The following ATXN7 variants were observed in gnomAD, a reference collection of about 807,000 sequenced individuals.
The protein encoded by ATXN7 is ataxin-7.
A neutral mutation model predicts 70.5 loss-of-function variants in ATXN7; 12 were observed. The observed-to-expected ratio is 0.17, with a 90% CI of 0.11 to 0.28. ATXN7 has a LOEUF of 0.28. Among genes scored for constraint, ATXN7 ranks in the 10% least tolerant of loss-of-function variants. The pLI, the probability that ATXN7 is intolerant of heterozygous loss-of-function variation, is 1.00. For synonymous variants in ATXN7, 498 were observed against 448.7 expected (o/e 1.11, Z -1.39); for missense variants, 1,256 against 1,131.7 (o/e 1.11, Z -1.58).
At chr3:63,897,339 T>C (rs1703477530) in intron 1 of ATXN7, among the ~76,000 whole-genome samples, 1 of 152,156 alleles carries the variant, frequency 6.6e-6, no homozygotes, top group Non-Finnish European at 1.5e-5. Flanking sequence ...TGAATAGCAT[T>C]TTGAGTGAAT....
chr3:63,990,970 C>T (rs2075662451), intron 11 of ATXN7, 111 bp downstream of exon 11: 2 of 1,523,730 alleles, frequency 1.3e-6, no homozygotes, highest in Non-Finnish European at 1.8e-6. Flanking sequence ...ACAAAACTGG[C>T]CTTTGGCCCT....
At position 64,002,391 on chromosome 3, in the gene ATXN7, TG is replaced by T. The variant is rs1446017712; in HGVS notation, c.*2927del. 4 of 152,600 alleles carry T rather than the reference TG, an allele frequency of 2.6e-5. No individual in the cohort carries two copies. Among genetic ancestry groups the T allele is most frequent in the Non-Finnish European group, 5.9e-5 (4 of 68,040 alleles). 9.5% of individuals were successfully genotyped at this position (152,600 alleles called of 1,614,324 possible). ...CGGGAGTGGATTCATACAGATGAAG[TG>T]GGCATTGCTTCTTCCTGGTTGCCTG... is the stretch of plus-strand genomic sequence containing the variant. On this transcript the variant is annotated 3_prime_UTR_variant, in exon 13 of 13. Coordinates refer to ENST00000674280, the MANE Select transcript of ATXN7 (RefSeq NM_001377405.1).
chr3:63,914,444 A>G (rs946796674), intron 4 of ATXN7, among the ~76,000 whole-genome samples: 15 of 152,214 alleles, frequency 9.9e-5, no homozygotes, highest in African/African-American at 3.6e-4. Flanking sequence ...TTGAGGGTAA[A>G]GGAAAGCAAG....
intron 11 of ATXN7, among the ~76,000 whole-genome samples, chr3:63,991,667 G>T (rs543915381): frequency 1.3e-5 from 2 of 152,218 alleles, no homozygotes; most frequent in African/African-American, 4.8e-5. Flanking sequence ...CACTGAAATT[G>T]TTTCAGTGTT....
intron 5 of ATXN7, among the ~76,000 whole-genome samples, chr3:63,964,070 A>G (rs868815992): frequency 9.2e-6 from 1 of 109,084 alleles, no homozygotes; most frequent in African/African-American, 4.6e-5. Flanking sequence ...CCTTAGACAC[A>G]TAAACACACA....
chr3:63,884,995 A>T (rs1361390459), intron 1 of ATXN7, among the ~76,000 whole-genome samples: 1 of 151,988 alleles, frequency 6.6e-6, no homozygotes, highest in Admixed American at 6.6e-5. Context: ...GTGCCTAGTG[A>T]CTTCCTTCCA....
chr3:63,978,107 C>G (rs1314659392), intron 5 of ATXN7, among the ~76,000 whole-genome samples: 1 of 152,148 alleles, frequency 6.6e-6, no homozygotes, highest in Non-Finnish European at 1.5e-5. Flanking sequence ...TGTAGTGTCT[C>G]AACCGTGGCT....
At chr3:63,968,278 G>A (rs2075258988) in intron 5 of ATXN7, 4 of 315,508 alleles carry the variant, frequency 1.3e-5, no homozygotes, top group Non-Finnish European at 2.4e-5. Flanking sequence ...AATGTCATTT[G>A]AGTGATCTGG....
At chr3:63,949,763 G>A (rs2074924317) in intron 4 of ATXN7, among the ~76,000 whole-genome samples, 1 of 152,124 alleles carries the variant, frequency 6.6e-6, no homozygotes, top group East Asian at 1.9e-4. Context: ...TTCCCACAGA[G>A]GGGGTGTGTG....
At chr3:63,915,863 A>G (rs867596662) in intron 4 of ATXN7, among the ~76,000 whole-genome samples, 1 of 151,780 alleles carries the variant, frequency 6.6e-6, no homozygotes, top group Non-Finnish European at 1.5e-5. Context: ...TGTATTTTTT[A>G]TAGAGATGGA....
intron 4 of ATXN7, among the ~76,000 whole-genome samples, chr3:63,921,523 G>C (rs138513446): frequency 0.012 from 1,832 of 152,320 alleles, 15 homozygotes; most frequent in Middle Eastern, 0.034. Flanking sequence ...GCAGAGAAGA[G>C]TATCTATTTT....
At chr3:63,873,971 G>A (rs540503337) in intron 1 of ATXN7, 1 of 152,238 alleles carries the variant, frequency 6.6e-6, no homozygotes, top group Admixed American at 6.5e-5. Flanking sequence ...AAAATGCTAG[G>A]ATTATAGGCA....
Position 63,995,655 on chromosome 3 carries a change from C to T in ATXN7, c.1833C>T (p.Ile611=). 6.2e-7 allele frequency: 1 copy of T among 1,614,204 alleles called. No homozygotes were observed. Among genetic ancestry groups the T allele is most frequent in the Non-Finnish European group, 8.5e-7 (1 of 1,180,030 alleles). The part of the protein sequence containing the change: ...TSPVLLSSTC[I]SPNSKSVPAH... Reference sequence around the variant, plus strand: ...CAGTCCTGCTCTCATCTACCTGCATCTCCCCAAATAGCAAATCGGTACCAG... The same window carrying T: ...CAGTCCTGCTCTCATCTACCTGCATTTCCCCAAATAGCAAATCGGTACCAG... Residue 611 remains isoleucine (I), a synonymous_variant, in exon 12 of 13, where the codon ATC becomes ATT. Transcript: ENST00000674280.
intron 5 of ATXN7, among the ~76,000 whole-genome samples, chr3:63,979,225 C>A (rs951558275): frequency 6.6e-6 from 1 of 152,140 alleles, no homozygotes; most frequent in South Asian, 2.1e-4. Flanking sequence ...AAAAAACAGG[C>A]GTAGCTATTT....
At chr3:63,878,578 AG>A (rs1702813888) in intron 1 of ATXN7, 2 of 152,270 alleles carry the variant, frequency 1.3e-5, no homozygotes, top group African/African-American at 4.8e-5. Context: ...TAGATCTGGC[AG>A]GAAACAGAGT....
chr3:63,934,044 A>G (rs1051552837), intron 4 of ATXN7, among the ~76,000 whole-genome samples: 3 of 152,184 alleles, frequency 2.0e-5, no homozygotes, highest in African/African-American at 7.2e-5. Context: ...TTAAAAAGCT[A>G]CTTATGTTCA....
intron 8 of ATXN7, among the ~76,000 whole-genome samples, chr3:63,986,223 G>A (rs1293144463): frequency 2.0e-5 from 3 of 152,196 alleles, no homozygotes; most frequent in Admixed American, 1.3e-4. Context: ...AGAGGTACGC[G>A]GGACCAAAGG....
intron 4 of ATXN7, among the ~76,000 whole-genome samples, chr3:63,946,129 G>C (rs942331486): frequency 5.9e-5 from 9 of 152,214 alleles, no homozygotes; most frequent in Non-Finnish European, 1.3e-4. Flanking sequence ...GCAAGGCAAA[G>C]AGTCTGCTGT....
At chr3:63,876,938 A>T (rs1020898330) in intron 1 of ATXN7, among the ~76,000 whole-genome samples, 10 of 152,350 alleles carry the variant, frequency 6.6e-5, no homozygotes, top group African/African-American at 2.2e-4. Flanking sequence ...ACTTCAGAAT[A>T]TTAAAATAGT....
Sources: gnomAD v4.1 joint callset for allele counts (sites outside exome capture counted in the v4.1 genomes callset) on GRCh38, gnomAD v4.1.1 for gene constraint, MANE v1.5 for transcripts, NCBI Gene and HGNC (gene_info 2026-07-23, HGNC 2026-07-21) for gene names.